Variants in FBXO7 observed in about 807,000 individuals in gnomAD.
FBXO7 encodes F-box protein 7, also known as F-box only protein 7.
FBXO7 carries 31 observed loss-of-function variants against 50.2 expected under a neutral mutation model. That is an observed-to-expected ratio of 0.62 (90% CI 0.46 to 0.83). The LOEUF is 0.83. Among genes scored for constraint, FBXO7 ranks in the 40% least tolerant of loss-of-function variants. The probability of loss-of-function intolerance (pLI) is 0.00; values close to 1 mark genes in which losing one functional copy is unlikely to be tolerated. For synonymous variants in FBXO7, 256 were observed against 253.1 expected (o/e 1.01, Z -0.11); for missense variants, 667 against 646.6 (o/e 1.03, Z -0.34).
chr22:32,485,608 T>C (rs1253120720), intron 4 of FBXO7, among the ~76,000 whole-genome samples: 3 of 152,176 alleles, frequency 2.0e-5, no homozygotes, highest in African/African-American at 7.2e-5. Context: ...GGTCTTGAAC[T>C]GAGACATGGG....
At chr22:32,480,450 G>A (rs2057457354) in intron 2 of FBXO7, among the ~76,000 whole-genome samples, 1 of 149,188 alleles carries the variant, frequency 6.7e-6, no homozygotes, top group African/African-American at 2.5e-5. Flanking sequence ...ACATTCACCT[G>A]CTTGCATGCA....
At chr22:32,488,012 G>T in intron 5 of FBXO7, 184 bp downstream of exon 5, 1 of 562,494 alleles carries the variant, frequency 1.8e-6, no homozygotes. Context: ...TATAATTTGA[G>T]GAGTTTGTTT....
chr22:32,480,370 C>T (rs920456176), intron 2 of FBXO7, among the ~76,000 whole-genome samples: 1 of 152,030 alleles, frequency 6.6e-6, no homozygotes, highest in African/African-American at 2.4e-5. Context: ...AGTTTCTGTT[C>T]TTCCTTCCTT....
At chr22:32,479,777 G>C (rs774049198) in intron 2 of FBXO7, among the ~76,000 whole-genome samples, 4 of 152,134 alleles carry the variant, frequency 2.6e-5, no homozygotes, top group South Asian at 2.1e-4. Context: ...AAAGTACCTA[G>C]TGTCTGTCTG....
intron 7 of FBXO7, 34 bp downstream of exon 7, chr22:32,493,315 G>C: frequency 6.3e-7 from 1 of 1,577,426 alleles, no homozygotes; most frequent in Admixed American, 1.7e-5. Context: ...ACAAGAAAGG[G>C]CTCTTATTGT....
intron 4 of FBXO7, among the ~76,000 whole-genome samples, chr22:32,485,437 G>C (rs1422527121): frequency 6.6e-6 from 1 of 152,014 alleles, no homozygotes; most frequent in Non-Finnish European, 1.5e-5. Flanking sequence ...CCATTTTTTT[G>C]ATGTCTTAAT....
intron 1 of FBXO7, among the ~76,000 whole-genome samples, chr22:32,476,878 T>C (rs1214110309): frequency 1.3e-5 from 2 of 152,222 alleles, no homozygotes; most frequent in Non-Finnish European, 2.9e-5. Context: ...TATATTACTT[T>C]AGAAATAGCT....
At position 32,474,842 on chromosome 22, in the gene FBXO7, C is replaced by G. The variant is rs1000079620; in HGVS notation, c.-161C>G. ...TTCCAGAGACCGAGTGGCAGGGCGG[C>G]CACTGTGGCGGGGCTCTTTCCCCGT... On this transcript the variant is annotated 5_prime_UTR_variant, in exon 1 of 9. Transcript: ENST00000266087. 5 of 689,342 alleles carry G rather than the reference C, an allele frequency of 7.3e-6. No homozygotes were observed. The highest frequency in any genetic ancestry group is 1.2e-5 in the Non-Finnish European group (5 of 431,930). The allele number at this position is 689,342 out of a possible 1,614,324, so 42.7% of individuals were successfully genotyped here.
intron 5 of FBXO7, chr22:32,490,105 T>G (rs1241084556): frequency 6.6e-6 from 1 of 152,236 alleles, no homozygotes; most frequent in Non-Finnish European, 1.5e-5. Flanking sequence ...ACTGAGTGTT[T>G]TATTTGTTAT....
intron 8 of FBXO7, among the ~76,000 whole-genome samples, chr22:32,496,081 C>T (rs778074249): frequency 3.3e-5 from 5 of 152,166 alleles, no homozygotes; most frequent in Non-Finnish European, 7.3e-5. Flanking sequence ...AGTCAGTGCC[C>T]AGCTTCAAAG....
At chr22:32,477,126 A>G (rs1185649177) in intron 1 of FBXO7, among the ~76,000 whole-genome samples, 1 of 152,228 alleles carries the variant, frequency 6.6e-6, no homozygotes, top group Non-Finnish European at 1.5e-5. Flanking sequence ...TTGTTTATCA[A>G]AGCATTTTGA....
intron 5 of FBXO7, 137 bp from the exon 6 acceptor site, chr22:32,490,949 G>A: frequency 1.5e-6 from 1 of 659,576 alleles, no homozygotes; most frequent in Admixed American, 2.4e-5. Flanking sequence ...CTTCTTCCAT[G>A]AGGGAATTTG....
chr22:32,479,400 T>C (rs1045182659), intron 2 of FBXO7, 125 bp downstream of exon 2: 4 of 856,918 alleles, frequency 4.7e-6, no homozygotes, highest in South Asian at 3.7e-5. Flanking sequence ...TATATTTTTT[T>C]CTTTTTTTTT....
chr22:32,492,692 C>T, intron 6 of FBXO7: 2 of 235,244 alleles, frequency 8.5e-6, no homozygotes, highest in Non-Finnish European at 8.4e-6. Context: ...ATAACTTGTC[C>T]AAAGGCACAC....
chr22:32,479,039 GA>G lies in FBXO7; in HGVS notation c.182del (p.Glu61GlyfsTer13). ...CAAGGATCCCCTCACTGGAGATGAAGAGACCTTGGCTTCATATGGGATTGTT... is the reference window on the plus strand; with the variant it reads ...CAAGGATCCCCTCACTGGAGATGAAGGACCTTGGCTTCATATGGGATTGTT... Reference protein sequence around the residue: ...NYKDPLTGDEETLASYGIVSG... With the variant: ...NYKDPLTGDEXTLASYGIVSG... On this transcript the variant is annotated frameshift_variant, in exon 2 of 9. Coordinates refer to ENST00000266087, the MANE Select transcript of FBXO7 (RefSeq NM_012179.4). LOFTEE classifies it high-confidence loss of function. 2 of 1,614,226 alleles carry G rather than the reference GA, an allele frequency of 1.2e-6. No homozygotes were observed. Among genetic ancestry groups the G allele is most frequent in the African/African-American group, 2.7e-5 (2 of 75,060 alleles).
At chr22:32,476,080 C>T (rs1281098755) in intron 1 of FBXO7, 1 of 152,126 alleles carries the variant, frequency 6.6e-6, no homozygotes, top group Admixed American at 6.5e-5. Flanking sequence ...AGCAAACCTT[C>T]CTACGTTTTC....
chr22:32,481,989 C>G (rs527871793), intron 2 of FBXO7, among the ~76,000 whole-genome samples: 1 of 152,072 alleles, frequency 6.6e-6, no homozygotes, highest in East Asian at 1.9e-4. Context: ...GCTTGACAAG[C>G]CCAGCAGGGG....
At chr22:32,481,393 A>G (rs2057464236) in intron 2 of FBXO7, among the ~76,000 whole-genome samples, 1 of 152,148 alleles carries the variant, frequency 6.6e-6, no homozygotes, top group Admixed American at 6.5e-5. Context: ...GTACTTTTAA[A>G]GTTGTCTAGT....
At chr22:32,487,985 A>C (rs1361675872) in intron 5 of FBXO7, 157 bp downstream of exon 5, 1 of 616,152 alleles carries the variant, frequency 1.6e-6, no homozygotes, top group Non-Finnish European at 2.9e-6. Context: ...AGGTTTAAAA[A>C]ATGTGAAAGT....
Sources: allele counts gnomAD v4.1 joint callset (sites outside exome capture counted in the v4.1 genomes callset), GRCh38; gene constraint gnomAD v4.1.1; transcripts MANE v1.5; gene names NCBI Gene and HGNC (gene_info 2026-07-23, HGNC 2026-07-21).